PEAK1: variants seen among roughly 807,000 people sequenced by gnomAD.
PEAK1 encodes inactive tyrosine-protein kinase PEAK1.
PEAK1 carries 54 observed loss-of-function variants against 124.7 expected under a neutral mutation model. The ratio of observed to expected loss-of-function variants is 0.43; its 90% confidence interval spans 0.35 to 0.54. PEAK1 has a LOEUF of 0.54. Ranked by LOEUF, PEAK1 falls within the 20% of genes least tolerant of loss-of-function variation. PEAK1 has a pLI of 0.01. For synonymous variants in PEAK1, 719 were observed against 760.0 expected (o/e 0.95, Z 0.89); for missense variants, 2,046 against 2,134.5 (o/e 0.96, Z 0.82).
chr15:77,205,152 C>G (rs898923188), intron 6 of PEAK1: 1 of 276,448 alleles, frequency 3.6e-6, no homozygotes, highest in African/African-American at 2.3e-5. Context: ...TTGTACAATT[C>G]AGAGGAATAT....
At chr15:77,370,420 A>G (rs2068559160) in intron 1 of PEAK1, among the ~76,000 whole-genome samples, 1 of 152,224 alleles carries the variant, frequency 6.6e-6, no homozygotes, top group African/African-American at 2.4e-5. Flanking sequence ...ATGTTTAGGT[A>G]CCACCTTGGG....
intron 5 of PEAK1, among the ~76,000 whole-genome samples, chr15:77,254,035 G>C (rs937498775): frequency 6.6e-6 from 1 of 152,108 alleles, no homozygotes; most frequent in African/African-American, 2.4e-5. Flanking sequence ...GGCCAGGCTG[G>C]TCCCAAACTC....
At chr15:77,409,652 T>C (rs971757276) in intron 1 of PEAK1, among the ~76,000 whole-genome samples, 1 of 152,238 alleles carries the variant, frequency 6.6e-6, no homozygotes, top group Non-Finnish European at 1.5e-5. Flanking sequence ...ATGAGTATAG[T>C]GGTATACTTT....
intron 6 of PEAK1, among the ~76,000 whole-genome samples, chr15:77,198,005 T>C (rs141891321): frequency 1.3e-3 from 192 of 152,296 alleles, no homozygotes; most frequent in African/African-American, 4.5e-3. Context: ...TATCATTTAC[T>C]ATCATAGAGT....
chr15:77,153,191 T>G (rs1021940302), intron 8 of PEAK1, among the ~76,000 whole-genome samples: 6 of 152,186 alleles, frequency 3.9e-5, no homozygotes, highest in Non-Finnish European at 8.8e-5. Context: ...TATTCAGAGA[T>G]TCAACTTCTT....
At chr15:77,250,181 GTATATATATACATATATATACATATATA>G in intron 6 of PEAK1, among the ~76,000 whole-genome samples, 1 of 105,548 alleles carries the variant, frequency 9.5e-6, no homozygotes, top group Non-Finnish European at 2.2e-5. Context: ...ATATGTATAT[GTATATATATACATATATATACATATATA>G]TGTATATATA....
intron 1 of PEAK1, among the ~76,000 whole-genome samples, chr15:77,412,958 T>C (rs1183440122): frequency 6.6e-6 from 1 of 152,226 alleles, no homozygotes; most frequent in Non-Finnish European, 1.5e-5. Context: ...AATGATAGCA[T>C]TTAATTCTAA....
Position 77,179,877 on chromosome 15 carries a change from C to T in PEAK1, c.2050G>A (p.Asp684Asn), listed in dbSNP as rs759335146. ...VPDNTTSKTT[D>N]CLQTKGFSNS... Reference sequence around the variant, plus strand: ...GAAAACCCTTTAGTTTGAAGACAGTCAGTGGTTTTGCTAGTGGTGTTATCA... The same window carrying T: ...GAAAACCCTTTAGTTTGAAGACAGTTAGTGGTTTTGCTAGTGGTGTTATCA... The change falls in exon 7 of 10, where the codon GAC (aspartate) becomes AAC (asparagine). Residue 684 changes from aspartate to asparagine, a missense_variant. Transcript: ENST00000682557. 2 of 1,614,108 alleles carry T rather than the reference C, an allele frequency of 1.2e-6. No individual in the cohort carries two copies. The highest frequency in any genetic ancestry group is 1.7e-6 in the Non-Finnish European group (2 of 1,179,998).
intron 2 of PEAK1, among the ~76,000 whole-genome samples, chr15:77,328,211 A>G (rs976713298): frequency 3.9e-5 from 6 of 152,324 alleles, no homozygotes; most frequent in East Asian, 1.9e-4. Flanking sequence ...AAAAGAAAGT[A>G]TATCTACCTT....
At chr15:77,247,226 C>T (rs770473215) in intron 6 of PEAK1, among the ~76,000 whole-genome samples, 134 of 151,990 alleles carry the variant, frequency 8.8e-4, no homozygotes, top group Non-Finnish European at 1.8e-3. Context: ...TTTCATTTTT[C>T]TTTTTTTGCT....
chr15:77,227,740 G>A (rs1012522413), intron 6 of PEAK1, among the ~76,000 whole-genome samples: 5 of 152,114 alleles, frequency 3.3e-5, no homozygotes, highest in South Asian at 2.1e-4. Flanking sequence ...GCTCATGCCT[G>A]TAATCCCAGC....
At chr15:77,313,652 A>ATGTATGTATG (rs1469429790) in intron 2 of PEAK1, among the ~76,000 whole-genome samples, 7 of 90,604 alleles carry the variant, frequency 7.7e-5, no homozygotes, top group African/African-American at 1.3e-4. Context: ...GTATGTATGT[A>ATGTATGTATG]TGTGTGTGTG....
rs1021821833 is a variant in PEAK1 at position 77,148,490 on chromosome 15, T to C, written c.3331+10013A>G. ...GTAGTCTGTTTTTCATTTCACATCTTTGGTCATGAGTTGTGCAGGAAGCCC... is the reference window on the plus strand; with the variant it reads ...GTAGTCTGTTTTTCATTTCACATCTCTGGTCATGAGTTGTGCAGGAAGCCC... On this transcript the variant is annotated intron_variant, in intron 8 of 9. Transcript: ENST00000682557. 2.0e-5 allele frequency among the ~76,000 whole-genome samples: 3 copies of C among 152,318 alleles called. No homozygotes were observed. In the South Asian group the frequency reaches 6.2e-4, roughly 32 times the overall value.
intron 2 of PEAK1, among the ~76,000 whole-genome samples, chr15:77,331,703 G>T (rs538459792): frequency 1.3e-5 from 2 of 151,688 alleles, no homozygotes; most frequent in Admixed American, 6.6e-5. Flanking sequence ...TGCAACCTCC[G>T]CCTCCTGGGT....
At chr15:77,320,809 C>T (rs879915457) in intron 2 of PEAK1, among the ~76,000 whole-genome samples, 3 of 151,980 alleles carry the variant, frequency 2.0e-5, no homozygotes, top group South Asian at 2.1e-4. Flanking sequence ...ATCCCTCCCC[C>T]GTCCCCCACA....
intron 6 of PEAK1, among the ~76,000 whole-genome samples, chr15:77,207,005 G>T (rs192698058): frequency 0.017 from 2,543 of 152,206 alleles, 34 homozygotes; most frequent in Middle Eastern, 0.027. Context: ...AGAAAAACAA[G>T]AAATGGGGAA....
chr15:77,365,316 G>A (rs2068147086), intron 1 of PEAK1, 91 bp from the exon 2 acceptor site: 1 of 414,306 alleles, frequency 2.4e-6, no homozygotes, highest in Non-Finnish European at 3.2e-6. Flanking sequence ...ACCCTAACTT[G>A]ATCATTTACC....
chr15:77,362,392 G>A (rs1302114236), intron 2 of PEAK1, among the ~76,000 whole-genome samples: 1 of 150,966 alleles, frequency 6.6e-6, no homozygotes, highest in Non-Finnish European at 1.5e-5. Flanking sequence ...TGGCCAATAA[G>A]CATATTTAAA....
Position 77,162,652 on chromosome 15 carries a change from T to C in PEAK1, c.3138-3956A>G, listed in dbSNP as rs1344357831. Among the ~76,000 whole-genome samples, 3 of 152,150 alleles carry C rather than the reference T, an allele frequency of 2.0e-5. No homozygotes were observed. In the East Asian group the frequency reaches 5.8e-4, roughly 29 times the overall value. ...CAACATTTCATTAGGAGATGTTTAA[T>C]GTGATGGAGAAAACAATAAAATGGG... On this transcript the variant is annotated intron_variant, in intron 7 of 9. Coordinates refer to ENST00000682557, the MANE Select transcript of PEAK1 (RefSeq NM_001385026.1).
Sources: gnomAD v4.1 joint callset for allele counts (sites outside exome capture counted in the v4.1 genomes callset) on GRCh38, gnomAD v4.1.1 for gene constraint, MANE v1.5 for transcripts, NCBI Gene and HGNC (gene_info 2026-07-23, HGNC 2026-07-21) for gene names.